The following OCRL variants were observed in gnomAD, a reference collection of about 807,000 sequenced individuals.
OCRL encodes the protein inositol polyphosphate 5-phosphatase OCRL.
Under a neutral mutation model 78.9 loss-of-function variants are expected in OCRL, and 8 were observed. That is an observed-to-expected ratio of 0.10 (90% CI 0.06 to 0.18). OCRL has a LOEUF of 0.18. OCRL is among the 10% of genes least tolerant of loss of function. The pLI, the probability that OCRL is intolerant of heterozygous loss-of-function variation, is 1.00. For missense variants in OCRL, 454 were observed against 696.7 expected (o/e 0.65, Z 3.92); for synonymous variants, 240 against 235.4 (o/e 1.02, Z -0.18).
chrX:129,558,097 A>G, intron 6 of OCRL, 147 bp downstream of exon 6: 1 of 517,583 alleles, frequency 1.9e-6, no homozygotes, highest in Non-Finnish European at 3.5e-6. Flanking sequence ...CCCACTGACC[A>G]GTGTTCACTC....
chrX:129,540,610 G>A (rs1449550196), intron 1 of OCRL, 132 bp downstream of exon 1: 2 of 768,693 alleles, frequency 2.6e-6, no homozygotes, highest in East Asian at 3.7e-5. Flanking sequence ...GGGGGCCGGC[G>A]CGGGAGACGA....
At chrX:129,544,690 A>G (rs1461584462) in intron 2 of OCRL, among the ~76,000 whole-genome samples, 1 of 111,394 alleles carries the variant, frequency 9.0e-6, no homozygotes, top group Non-Finnish European at 1.9e-5. Context: ...CTCTGAAGCT[A>G]TATACTCTGT....
At chrX:129,587,398 C>T (rs1184989814) in intron 20 of OCRL, among the ~76,000 whole-genome samples, 3 of 111,299 alleles carry the variant, frequency 2.7e-5, no homozygotes, top group African/African-American at 9.8e-5. Context: ...CTCATTTTCC[C>T]TGGACAGCTG....
intron 14 of OCRL, among the ~76,000 whole-genome samples, chrX:129,568,089 A>AT (rs771841450): frequency 9.3e-6 from 1 of 107,659 alleles, no homozygotes; most frequent in Non-Finnish European, 1.9e-5. Flanking sequence ...AATTTTTTGT[A>AT]TTTTTTTTAG....
chrX:129,567,985 C>T (rs1401200780), intron 14 of OCRL, among the ~76,000 whole-genome samples: 1 of 106,341 alleles, frequency 9.4e-6, no homozygotes, highest in Admixed American at 1.0e-4. Flanking sequence ...GCAATCTCGG[C>T]GCACTGCAAG....
Position 129,584,376 on chromosome X carries a change from A to G in OCRL, c.2139+9A>G, listed in dbSNP as rs773314135. On this transcript the variant is annotated intron_variant, in intron 19 of 23. Transcript: ENST00000371113. The stretch of plus-strand genomic sequence containing the variant: ...ACAGCTTCCTAGAAAAGGTAATGCA[A>G]TCCATTGGTGGTTATGAGAGTTTCC... 3 of 1,202,078 alleles carry G rather than the reference A, an allele frequency of 2.5e-6. No individual in the cohort carries two copies. The highest frequency in any genetic ancestry group is 1.8e-5 in the South Asian group (1 of 56,648).
chrX:129,579,588 C>A (rs1936415609), intron 18 of OCRL, among the ~76,000 whole-genome samples: 1 of 112,023 alleles, frequency 8.9e-6, no homozygotes, highest in Admixed American at 9.5e-5. Flanking sequence ...ATCCTTCCAG[C>A]CCTTTTCATA....
chrX:129,556,354 T>C (rs1439446758), intron 4 of OCRL, among the ~76,000 whole-genome samples: 2 of 111,146 alleles, frequency 1.8e-5, no homozygotes, highest in African/African-American at 6.5e-5. Context: ...AAGTCCTGAG[T>C]CCTAGGAAGC....
intron 12 of OCRL, among the ~76,000 whole-genome samples, chrX:129,564,556 C>T (rs1301116791): frequency 1.4e-4 from 16 of 110,948 alleles, no homozygotes; most frequent in Admixed American, 6.7e-4. Flanking sequence ...AAATGATGAG[C>T]TCATGTCCTT....
intron 12 of OCRL, among the ~76,000 whole-genome samples, chrX:129,565,095 A>G (rs184736112): frequency 8.9e-6 from 1 of 111,947 alleles, no homozygotes; most frequent in African/African-American, 3.2e-5. Flanking sequence ...TGCATTTGAG[A>G]TTGTCAGAAT....
At chrX:129,567,522 T>C (rs1936232940) in intron 14 of OCRL, among the ~76,000 whole-genome samples, 159 bp downstream of exon 14, 1 of 111,483 alleles carries the variant, frequency 9.0e-6, no homozygotes, top group Non-Finnish European at 1.9e-5. Flanking sequence ...ACAATAAGAG[T>C]GTTTCATTTA....
At chrX:129,543,747 GACA>G (rs776975388) in intron 2 of OCRL, among the ~76,000 whole-genome samples, 1 of 112,837 alleles carries the variant, frequency 8.9e-6, no homozygotes, top group Non-Finnish European at 1.9e-5. Flanking sequence ...ACCCCCAAAA[GACA>G]ACAAAATAGA....
chrX:129,569,936 C>G (rs1276237077), intron 15 of OCRL, among the ~76,000 whole-genome samples: 1 of 106,839 alleles, frequency 9.4e-6, no homozygotes, highest in Non-Finnish European at 1.9e-5. Context: ...CTCCTCTTCC[C>G]GGGTTCAAGC....
At position 129,554,010 on chromosome X, in the gene OCRL, G is replaced by T. The variant is rs1387081588; in HGVS notation, c.239-3315G>T. On this transcript the variant is annotated intron_variant, in intron 4 of 23. Coordinates refer to ENST00000371113, the MANE Select transcript of OCRL (RefSeq NM_000276.4). Reference sequence around the variant, plus strand: ...ATTTAGCCAGGTAGGTGCCACGGAAGAACAGAGAGGCAAGGCAGTTCTGGG... The same window carrying T: ...ATTTAGCCAGGTAGGTGCCACGGAATAACAGAGAGGCAAGGCAGTTCTGGG... Among the ~76,000 whole-genome samples, 13 of 110,538 alleles carry T rather than the reference G, an allele frequency of 1.2e-4. No individual in the cohort carries two copies. In the Admixed American group the frequency reaches 1.3e-3, roughly 11 times the overall value.
chrX:129,579,155 A>G (rs763283372), intron 18 of OCRL, among the ~76,000 whole-genome samples: 1 of 111,779 alleles, frequency 8.9e-6, no homozygotes, highest in East Asian at 2.8e-4. Context: ...CAGTACTCAA[A>G]AAGTTTCGAG....
At chrX:129,562,564 C>G (rs1373829884) in intron 11 of OCRL, 35 bp from the exon 12 acceptor site, 4 of 1,197,735 alleles carry the variant, frequency 3.3e-6, no homozygotes, top group Non-Finnish European at 4.5e-6. Flanking sequence ...GTTGCTTGTT[C>G]TGTGTACTAA....
At position 129,560,624 on chromosome X, in the gene OCRL, C is replaced by T; in HGVS notation, c.797C>T (p.Pro266Leu). The change falls in exon 9 of 24, where the codon CCC becomes CTC. Residue 266 changes from proline to leucine, a missense_variant. Coordinates refer to ENST00000371113, the MANE Select transcript of OCRL (RefSeq NM_000276.4). ...TTAGAACCTTGGCTGAACTGTGATC[C>T]CAATCCTCCTGATATCTACTGCATT... ...SGLEPWLNCD[P>L]NPPDIYCIGF... 1 of 1,190,952 alleles carries T rather than the reference C, an allele frequency of 8.4e-7. No homozygotes were observed. Among genetic ancestry groups the T allele is most frequent in the Non-Finnish European group, 1.1e-6 (1 of 877,040 alleles).
intron 15 of OCRL, among the ~76,000 whole-genome samples, chrX:129,573,474 T>C (rs1178957183): frequency 8.9e-6 from 1 of 111,992 alleles, no homozygotes; most frequent in Non-Finnish European, 1.9e-5. Flanking sequence ...AGTGAGAATA[T>C]GCGGTGCTTG....
chrX:129,576,502 C>T lies in OCRL; in HGVS notation c.2065C>T (p.Arg689Cys), dbSNP rs1169836029. ...CFGTSLEALCRMKRPIREVPV... is the reference protein window; with the variant it reads ...CFGTSLEALCCMKRPIREVPV... ...TGGCACATCCTTAGAGGCTCTGTGC[C>T]GTATGAAAAGACCAATCCGAGAAGT... The change falls in exon 18 of 24, where the codon CGT (arginine) becomes TGT (cysteine). Residue 689 changes from arginine to cysteine, a missense_variant. Around this residue, in one of 2 missense-constraint regions of OCRL, gnomAD observed 277 missense variants for 517.1 expected, o/e 0.54. Transcript: ENST00000371113. 5.0e-6 allele frequency: 6 copies of T among 1,209,610 alleles called. No homozygotes were observed. The highest frequency in any genetic ancestry group is 3.5e-5 in the South Asian group (2 of 56,812).
Sources: gnomAD v4.1 joint callset for allele counts (sites outside exome capture counted in the v4.1 genomes callset) on GRCh38, gnomAD v4.1.1 for gene constraint, gnomAD v4.1.1 regional missense constraint, MANE v1.5 for transcripts, NCBI Gene and HGNC (gene_info 2026-07-23, HGNC 2026-07-21) for gene names.